BLK: variants seen among roughly 807,000 people sequenced by gnomAD.
BLK encodes the protein BLK proto-oncogene, Src family tyrosine kinase.
A neutral mutation model predicts 61.8 loss-of-function variants in BLK; 64 were observed. The ratio of observed to expected loss-of-function variants is 1.03; its 90% CI spans 0.85 to 1.27. The LOEUF is 1.27. Among genes scored for constraint, BLK ranks in the 50% most tolerant of loss-of-function variants. The pLI, the probability that BLK is intolerant of heterozygous loss-of-function variation, is 0.00. For synonymous variants in BLK, 351 were observed against 272.0 expected (o/e 1.29, Z -2.86); for missense variants, 853 against 660.5 (o/e 1.29, Z -3.19).
intron 1 of BLK, among the ~76,000 whole-genome samples, chr8:11,536,506 T>G (rs1009059192): frequency 6.6e-6 from 1 of 152,196 alleles, no homozygotes; most frequent in Admixed American, 6.5e-5. Context: ...TTCTCCCACC[T>G]CAACCTCCCA....
chr8:11,515,968 G>T (rs1377339114), intron 1 of BLK, among the ~76,000 whole-genome samples: 2 of 152,240 alleles, frequency 1.3e-5, no homozygotes. Context: ...GTGGGGATGG[G>T]TGTGCACTCG....
At chr8:11,548,223 A>G in intron 4 of BLK, 98 bp downstream of exon 4, 1 of 1,060,674 alleles carries the variant, frequency 9.4e-7, no homozygotes, top group Non-Finnish European at 1.4e-6. Context: ...TGACCCTGGA[A>G]GTCTTCTCCA....
chr8:11,496,831 C>T (rs1798377128), intron 1 of BLK, among the ~76,000 whole-genome samples: 1 of 152,170 alleles, frequency 6.6e-6, no homozygotes, highest in Non-Finnish European at 1.5e-5. Flanking sequence ...CTGGGCTCGA[C>T]AGCCCTTCCT....
intron 1 of BLK, among the ~76,000 whole-genome samples, chr8:11,539,818 A>G (rs1482713998): frequency 6.6e-6 from 1 of 152,222 alleles, no homozygotes; most frequent in East Asian, 1.9e-4. Flanking sequence ...TATAACAAAC[A>G]TTTTACTATT....
intron 1 of BLK, among the ~76,000 whole-genome samples, chr8:11,495,820 A>G (rs960561248): frequency 2.0e-5 from 3 of 152,290 alleles, no homozygotes; most frequent in Non-Finnish European, 4.4e-5. Context: ...TGTGGTAACA[A>G]TTACTGCTTA....
intron 1 of BLK, among the ~76,000 whole-genome samples, chr8:11,527,773 T>G (rs1398495250): frequency 1.4e-5 from 2 of 148,024 alleles, no homozygotes; most frequent in Non-Finnish European, 1.5e-5. Flanking sequence ...CAAGTCTGGG[T>G]GTAAAAAAAA....
In BLK at chr8:11,538,280, C is replaced by G. The variant is rs1457235834; in HGVS notation, c.-1-4944C>G. The stretch of plus-strand genomic sequence containing the variant: ...CCAGCCAGTGTGTGATGCGTTTTGC[C>G]TCTGTCTGGACTTCTGCACTTCCTG... On this transcript the variant is annotated intron_variant, in intron 1 of 12. Transcript: ENST00000259089. 4.6e-5 allele frequency among the ~76,000 whole-genome samples: 7 copies of G among 152,350 alleles called. No homozygotes were observed. The South Asian group carries it at 1.0e-3, about 23-fold the overall frequency.
intron 10 of BLK, among the ~76,000 whole-genome samples, chr8:11,559,305 T>A (rs1188730525): frequency 2.0e-5 from 3 of 146,550 alleles, no homozygotes; most frequent in Non-Finnish European, 4.6e-5. Flanking sequence ...ACACACACTC[T>A]CACACACATA....
Position 11,522,794 on chromosome 8 carries a change from A to C in BLK, c.-1-20430A>C, listed in dbSNP as rs543809601. Among the ~76,000 whole-genome samples the C allele has an allele frequency of 1.9e-4, 29 of 152,348 alleles. No individual in the cohort carries two copies. In the South Asian group the frequency reaches 6.0e-3, roughly 32 times the overall value. The stretch of plus-strand genomic sequence containing the variant: ...ACATACATTATGAAGCCATTTTTAA[A>C]AGTCTAAAACATACAGAGTAGCAAT... On this transcript the variant is annotated intron_variant, in intron 1 of 12. Transcript: ENST00000259089.
At chr8:11,553,654 G>C (rs1459020647) in intron 6 of BLK, 2 of 174,524 alleles carry the variant, frequency 1.1e-5, no homozygotes, top group East Asian at 1.7e-4. Context: ...GAGACTGGGG[G>C]CACAGCTGCA....
At chr8:11,543,445 G>C (rs1800482867) in intron 2 of BLK, 98 bp downstream of exon 2, 1 of 1,508,514 alleles carries the variant, frequency 6.6e-7, no homozygotes. Flanking sequence ...GTGCCTTCCT[G>C]ATAGGGATGT....
intron 1 of BLK, among the ~76,000 whole-genome samples, chr8:11,529,197 C>T (rs572777187): frequency 2.0e-5 from 3 of 152,226 alleles, no homozygotes; most frequent in South Asian, 2.1e-4. Flanking sequence ...CTAGACAAAG[C>T]CAATTTATCA....
chr8:11,524,601 G>C (rs1799579084), intron 1 of BLK, among the ~76,000 whole-genome samples: 3 of 152,216 alleles, frequency 2.0e-5, no homozygotes, highest in African/African-American at 4.8e-5. Context: ...ATGCTCTTGA[G>C]CGTGGGAATC....
At chr8:11,537,965 A>G (rs749312230) in intron 1 of BLK, among the ~76,000 whole-genome samples, 1 of 150,934 alleles carries the variant, frequency 6.6e-6, no homozygotes, top group Non-Finnish European at 1.5e-5. Context: ...TAAACAAACA[A>G]CTCCCCTTTC....
intron 1 of BLK, among the ~76,000 whole-genome samples, chr8:11,536,909 T>C (rs551398613): frequency 2.0e-5 from 3 of 152,274 alleles, no homozygotes; most frequent in African/African-American, 7.2e-5. Context: ...TGGAATCGGG[T>C]GCATGCCTTT....
intron 3 of BLK, among the ~76,000 whole-genome samples, chr8:11,546,707 C>T (rs1394921854): frequency 6.6e-6 from 1 of 152,216 alleles, no homozygotes; most frequent in African/African-American, 2.4e-5. Flanking sequence ...TCCCAAGTAG[C>T]TGGGATTACA....
At chr8:11,519,017 T>C (rs1049191138) in intron 1 of BLK, among the ~76,000 whole-genome samples, 11 of 152,186 alleles carry the variant, frequency 7.2e-5, no homozygotes, top group Non-Finnish European at 1.2e-4. Flanking sequence ...TTGAATTTCT[T>C]TGTGGCACTT....
intron 1 of BLK, chr8:11,509,788 A>T (rs1040472498): frequency 6.6e-6 from 1 of 152,210 alleles, no homozygotes; most frequent in African/African-American, 2.4e-5. Flanking sequence ...TTGAAAATAG[A>T]TATAAACCAT....
intron 1 of BLK, among the ~76,000 whole-genome samples, chr8:11,497,413 G>A (rs1216837064): frequency 6.6e-6 from 1 of 152,066 alleles, no homozygotes; most frequent in Non-Finnish European, 1.5e-5. Context: ...TGACGTCCAG[G>A]GCAGGTGCGA....
Sources: gnomAD v4.1 joint callset for allele counts (sites outside exome capture counted in the v4.1 genomes callset) on GRCh38, gnomAD v4.1.1 for gene constraint, MANE v1.5 for transcripts, NCBI Gene and HGNC (gene_info 2026-07-23, HGNC 2026-07-21) for gene names.